The following STYXL2 variants were observed in gnomAD, a reference collection of about 807,000 sequenced individuals.
The protein encoded by STYXL2 is serine/threonine/tyrosine-interacting-like protein 2.
In STYXL2, 44 loss-of-function variants were observed where a neutral mutation model predicts 52.4. The observed-to-expected ratio is 0.84, with a 90% CI of 0.66 to 1.08. The LOEUF (loss-of-function observed/expected upper bound fraction) is 1.08, where lower values mean the gene tolerates loss of function less well. Ranked by LOEUF, STYXL2 falls within the 50% of genes least tolerant of loss-of-function variation. The pLI is 0.00. For synonymous variants in STYXL2, 604 were observed against 586.9 expected (o/e 1.03, Z -0.42); for missense variants, 1,604 against 1,471.7 (o/e 1.09, Z -1.47).
At chr1:167,095,218 A>G (rs138124294) in intron 2 of STYXL2, among the ~76,000 whole-genome samples, 349 of 150,172 alleles carry the variant, frequency 2.3e-3, no homozygotes, top group African/African-American at 8.0e-3. Flanking sequence ...GAAGGGAACA[A>G]CTGGACTTGG....
chr1:167,116,862 T>G lies in STYXL2; in HGVS notation c.206-466T>G, dbSNP rs186503368. The stretch of plus-strand genomic sequence containing the variant: ...ACAGTGTTTCACCATGTTGGTCAGA[T>G]TGGTCTTGAACTGCTGACCTCAGGT... On this transcript the variant is annotated intron_variant, in intron 3 of 5. Transcript: ENST00000361200. Among the ~76,000 whole-genome samples, 461 of 152,196 alleles carry G rather than the reference T, an allele frequency of 3.0e-3. 1 individual carries two copies. Among genetic ancestry groups the G allele is most frequent in the African/African-American group, 0.01 (423 of 41,522 alleles).
intron 2 of STYXL2, among the ~76,000 whole-genome samples, chr1:167,109,452 G>A (rs1263458624): frequency 6.6e-6 from 1 of 152,108 alleles, no homozygotes; most frequent in Non-Finnish European, 1.5e-5. Context: ...ATGCAGCAGA[G>A]GCAACCACAA....
rs753281827 is a variant in STYXL2, at chr1:167,113,693, A to G, written c.111-17A>G. ...GATGCTACAGGCTTATCTCACGTGA[A>G]TATCCTCTTCCCTTAGGTATTCGAT... On this transcript the variant is annotated splice_polypyrimidine_tract_variant and intron_variant, in intron 2 of 5. Coordinates refer to ENST00000361200, the MANE Select transcript of STYXL2 (RefSeq NM_001080426.3). 9.4e-6 allele frequency: 15 copies of G among 1,590,106 alleles called. No individual in the cohort carries two copies. The Admixed American group carries it at 1.7e-4, about 18-fold the overall frequency.
rs1174552571 is a variant in STYXL2, at chr1:167,117,451, A to G, written c.329A>G (p.Tyr110Cys). The change falls in exon 4 of 6, where the codon TAT becomes TGT. Residue 110 changes from tyrosine to cysteine, a missense_variant. Coordinates refer to ENST00000361200, the MANE Select transcript of STYXL2 (RefSeq NM_001080426.3). ...GAGAAGATGGATGACACCAGCCTCT[A>G]TAATACGCCCTGTGTCCTGGACCTA... Reference protein sequence around the residue: ...VREKMDDTSLYNTPCVLDLQR... With the variant: ...VREKMDDTSLCNTPCVLDLQR... 1 of 1,612,822 alleles carries G rather than the reference A, an allele frequency of 6.2e-7. No individual in the cohort carries two copies. Among genetic ancestry groups the G allele is most frequent in the Non-Finnish European group, 8.5e-7 (1 of 1,179,504 alleles).
intron 2 of STYXL2, among the ~76,000 whole-genome samples, chr1:167,098,400 C>T (rs1480539413): frequency 6.6e-6 from 1 of 151,726 alleles, no homozygotes; most frequent in Non-Finnish European, 1.5e-5. Flanking sequence ...TGCTTGAGCC[C>T]AGGAATTCAA....
At chr1:167,094,983 C>T (rs1487453377) in intron 2 of STYXL2, 24 bp downstream of exon 2, 1 of 1,552,996 alleles carries the variant, frequency 6.4e-7, no homozygotes, top group Non-Finnish European at 8.8e-7. Context: ...TATCTCCCAC[C>T]CTCACAGCCC....
In STYXL2 at chr1:167,125,974, G is replaced by A. The variant is rs375991247; in HGVS notation, c.843G>A (p.Glu281=). The A allele has an allele frequency of 2.4e-5, 39 of 1,613,448 alleles. No homozygotes were observed. The East Asian group carries it at 8.7e-4, about 36-fold the overall frequency. Residue 281 remains glutamate (E), a synonymous_variant, in exon 6 of 6, where the codon GAG becomes GAA. Transcript: ENST00000361200. ...LRELNEKLME[E]REEDYGREGG... is the part of the protein sequence containing the mutation. Reference sequence around the variant, plus strand: ...AGCTCAATGAGAAGTTGATGGAGGAGAGAGAAGAGGACTATGGCCGGGAGG... The same window carrying A: ...AGCTCAATGAGAAGTTGATGGAGGAAAGAGAAGAGGACTATGGCCGGGAGG...
intron 2 of STYXL2, among the ~76,000 whole-genome samples, chr1:167,100,212 C>T (rs1220675658): frequency 6.6e-6 from 1 of 152,228 alleles, no homozygotes; most frequent in Admixed American, 6.5e-5. Context: ...GTAACTAATC[C>T]AGTCCCCCAA....
Position 167,119,503 on chromosome 1 carries a change from C to T in STYXL2, c.655+37C>T, listed in dbSNP as rs534271358. ...CTGCCGCTCCAGGCTGCTGGAATTC[C>T]ACGGGGGAAAAGTAATGTGGGGAAT... On this transcript the variant is annotated intron_variant, in intron 5 of 5. Coordinates refer to ENST00000361200, the MANE Select transcript of STYXL2 (RefSeq NM_001080426.3). The T allele has an allele frequency of 1.7e-5, 27 of 1,581,648 alleles. No homozygotes were observed. In the South Asian group the frequency reaches 2.7e-4, roughly 16 times the overall value.
chr1:167,102,298 T>C (rs1318296280), intron 2 of STYXL2, among the ~76,000 whole-genome samples: 1 of 129,258 alleles, frequency 7.7e-6, no homozygotes, highest in Non-Finnish European at 1.7e-5. Flanking sequence ...AAAGCTGTTT[T>C]TTAAAAATAT....
chr1:167,119,725 G>A (rs1242807339), intron 5 of STYXL2, among the ~76,000 whole-genome samples: 2 of 152,168 alleles, frequency 1.3e-5, no homozygotes, highest in Admixed American at 1.3e-4. Flanking sequence ...CTGTTACACT[G>A]TAAGAGGGGA....
Position 167,127,651 on chromosome 1 carries a change from G to A in STYXL2, c.2520G>A (p.Glu840=). Residue 840 remains glutamate, a synonymous_variant, in exon 6 of 6, where the codon GAG becomes GAA. Transcript: ENST00000361200. ...NVDLKELGRK[E]KEMQMELREK... is the part of the protein sequence containing the mutation. ...ACCTAAAGGAACTTGGCCGGAAGGA[G>A]AAGGAGATGCAGATGGAGCTTAGGG... 5.6e-6 allele frequency: 9 copies of A among 1,614,148 alleles called. No homozygotes were observed. Among genetic ancestry groups the A allele is most frequent in the Non-Finnish European group, 6.8e-6 (8 of 1,180,022 alleles).
At chr1:167,097,074 G>T (rs984411840) in intron 2 of STYXL2, among the ~76,000 whole-genome samples, 1 of 152,216 alleles carries the variant, frequency 6.6e-6, no homozygotes, top group Non-Finnish European at 1.5e-5. Context: ...AGTCCTCCTA[G>T]ATTTGACCTT....
Position 167,128,589 on chromosome 1 carries a change from A to T in STYXL2, c.3458A>T (p.Gln1153Leu), listed in dbSNP as rs111745868. 4 of 1,612,618 alleles carry T rather than the reference A, an allele frequency of 2.5e-6. No individual in the cohort carries two copies. In the South Asian group the frequency reaches 4.4e-5, roughly 18 times the overall value. ...RRQEETRTKLQKRRED is the reference protein window; with the variant it reads ...RRQEETRTKLLKRRED ...CAAGAAGAAACCAGGACCAAGCTGC[A>T]GAAAAGGAGGGAGGACTGAGCTGGG... is the stretch of plus-strand genomic sequence containing the variant. Residue 1153 changes from glutamine to leucine, a missense_variant, in exon 6 of 6, where the codon CAG becomes CTG. Coordinates refer to ENST00000361200, the MANE Select transcript of STYXL2 (RefSeq NM_001080426.3).
Position 167,128,464 on chromosome 1 carries a change from G to T in STYXL2, c.3333G>T (p.Arg1111Ser). ...GGACAGAAAACAGAGAAGAAGGGAG[G>T]TTTGCATCTGGACGGCGGTCCCAGT... Reference protein sequence around the residue: ...KERTENREEGRFASGRRSQYR... With the variant: ...KERTENREEGSFASGRRSQYR... The change falls in exon 6 of 6, where the codon AGG becomes AGT. Residue 1111 changes from arginine (R) to serine (S), a missense_variant. Physicochemically the swap from Arg to Ser is moderately radical, Grantham distance 110. Coordinates refer to ENST00000361200, the MANE Select transcript of STYXL2 (RefSeq NM_001080426.3). 1.2e-6 allele frequency: 2 copies of T among 1,614,046 alleles called. No individual in the cohort carries two copies. Among genetic ancestry groups the T allele is most frequent in the Non-Finnish European group, 1.7e-6 (2 of 1,179,996 alleles).
intron 5 of STYXL2, among the ~76,000 whole-genome samples, chr1:167,120,850 AT>A: frequency 1.0e-4 from 1 of 9,654 alleles, no homozygotes; most frequent in African/African-American, 1.3e-3. Context: ...ATATATATAT[AT>A]ATATATATAT....
chr1:167,108,438 A>AC (rs1455574003), intron 2 of STYXL2, among the ~76,000 whole-genome samples: 1 of 151,268 alleles, frequency 6.6e-6, no homozygotes, highest in Non-Finnish European at 1.5e-5. Flanking sequence ...CCCTTAATCC[A>AC]CCCCCACTCC....
rs1667668438 is a variant in STYXL2 at position 167,113,817 on chromosome 1, A to C, written c.205+13A>C. On this transcript the variant is annotated intron_variant, in intron 3 of 5. Coordinates refer to ENST00000361200, the MANE Select transcript of STYXL2 (RefSeq NM_001080426.3). ...ATCATCAATGAAGGTAATGCAATCA[A>C]AAGCTGGGTGGAAGCAAAGTCCAGT... The C allele has an allele frequency of 1.2e-6, 2 of 1,607,884 alleles. No homozygotes were observed. The highest frequency in any genetic ancestry group is 1.3e-5 in the African/African-American group (1 of 74,858).
intron 4 of STYXL2, 140 bp from the exon 5 acceptor site, chr1:167,119,109 A>G: frequency 1.4e-6 from 1 of 705,030 alleles, no homozygotes; most frequent in East Asian, 2.7e-5. Flanking sequence ...ATTTGCAGTG[A>G]TCCCCAGACA....
Sources: allele counts gnomAD v4.1 joint callset (sites outside exome capture counted in the v4.1 genomes callset), GRCh38; gene constraint gnomAD v4.1.1; transcripts MANE v1.5; gene names NCBI Gene and HGNC (gene_info 2026-07-23, HGNC 2026-07-21).